The following CELF6 variants were observed in gnomAD, a reference collection of about 807,000 sequenced individuals.
The protein encoded by CELF6 is Bruno -like 6, RNA binding protein.
A neutral mutation model predicts 53.1 loss-of-function variants in CELF6; 32 were observed. That is an observed-to-expected ratio of 0.60 (90% CI 0.46 to 0.81). The LOEUF is 0.81. Among genes scored for constraint, CELF6 ranks in the 30% least tolerant of loss-of-function variants. The probability of loss-of-function intolerance (pLI) is 0.00; values close to 1 mark genes in which losing one functional copy is unlikely to be tolerated. For missense variants in CELF6, 539 were observed against 669.5 expected (o/e 0.81, Z 2.15); for synonymous variants, 291 against 288.8 (o/e 1.01, Z -0.08).
chr15:72,286,720 G>A (rs1214234629), intron 12 of CELF6, among the ~76,000 whole-genome samples: 1 of 152,154 alleles, frequency 6.6e-6, no homozygotes, highest in Non-Finnish European at 1.5e-5. Context: ...TCACCCACCA[G>A]GCCCTGCAGA....
intron 3 of CELF6, among the ~76,000 whole-genome samples, chr15:72,293,164 A>G (rs2088028937): frequency 6.6e-6 from 1 of 152,198 alleles, no homozygotes; most frequent in Non-Finnish European, 1.5e-5. Flanking sequence ...GTATCACCTT[A>G]AATCCTGGTA....
At chr15:72,301,885 C>T (rs540786761) in intron 3 of CELF6, among the ~76,000 whole-genome samples, 4 of 152,114 alleles carry the variant, frequency 2.6e-5, no homozygotes, top group South Asian at 2.1e-4. Context: ...TACATGCGCC[C>T]GCCACCACAC....
chr15:72,299,746 AATAGTGTACTGCTC>A (rs1268304728), intron 3 of CELF6, among the ~76,000 whole-genome samples: 4 of 152,216 alleles, frequency 2.6e-5, no homozygotes, highest in Non-Finnish European at 5.9e-5. Context: ...ATTTTCCTTT[AATAGTGTACTGCTC>A]AATGTGTAGC....
At position 72,289,332 on chromosome 15, in the gene CELF6, G is replaced by T. The variant is rs2087969797; in HGVS notation, c.880+43C>A. 3 of 1,298,960 alleles carry T rather than the reference G, an allele frequency of 2.3e-6. No individual in the cohort carries two copies. Among genetic ancestry groups the T allele is most frequent in the Non-Finnish European group, 3.1e-6 (3 of 957,866 alleles). The allele number at this position is 1,298,960 out of a possible 1,614,324, so 80.5% of individuals were successfully genotyped here. ...GAGAGTCAGGCCGCCACCCCGCCCCGCCCGGCCCCTCCCAGGCGCGCCCCA... is the reference window on the plus strand; with the variant it reads ...GAGAGTCAGGCCGCCACCCCGCCCCTCCCGGCCCCTCCCAGGCGCGCCCCA... On this transcript the variant is annotated intron_variant, in intron 7 of 12. Coordinates refer to ENST00000287202, the MANE Select transcript of CELF6 (RefSeq NM_052840.5). The surrounding 1 kb of genome is among the most constrained non-coding windows in gnomAD (Gnocchi z 7.6).
chr15:72,306,107 C>T, intron 2 of CELF6: 2 of 985,052 alleles, frequency 2.0e-6, no homozygotes, highest in Non-Finnish European at 2.4e-6. Context: ...CCCCAACCAC[C>T]CTGAGTGAAT....
rs761496942 is a variant in CELF6 at position 72,289,596 on chromosome 15, G to A, written c.747+31C>T. ...CCCCAGGCCTGGCCCACCCACCTGC[G>A]CGCCCTCGCACGCAGGTGCCCGGTA... On this transcript the variant is annotated intron_variant, in intron 6 of 12. Coordinates refer to ENST00000287202, the MANE Select transcript of CELF6 (RefSeq NM_052840.5). The surrounding 1 kb of genome is among the most constrained non-coding windows in gnomAD (Gnocchi z 7.6). The A allele has an allele frequency of 5.3e-4, 787 of 1,477,680 alleles. 3 individuals carry two copies. The highest frequency in any genetic ancestry group is 1.5e-3 in the South Asian group (114 of 76,328). 91.5% of individuals were successfully genotyped at this position (1,477,680 alleles called of 1,614,324 possible).
Position 72,289,437 on chromosome 15 carries a change from G to T in CELF6, c.818C>A (p.Ala273Glu). The T allele has an allele frequency of 1.3e-6, 2 of 1,544,406 alleles. No individual in the cohort carries two copies. Among genetic ancestry groups the T allele is most frequent in the Non-Finnish European group, 1.7e-6 (2 of 1,152,260 alleles). ...GGCCGCCACGTGTTGCATCTGGGCC[G>T]CCACTGCCGCCACCGGGCCTAGGCC... Reference protein sequence around the residue: ...GPGLGPVAAVAAQMQHVAAFS... With the variant: ...GPGLGPVAAVEAQMQHVAAFS... Residue 273 changes from alanine (A) to glutamate (E), a missense_variant, in exon 7 of 13, where the codon GCG becomes GAG. Around this residue, in one of 3 missense-constraint regions of CELF6, gnomAD observed 358 missense variants for 412.8 expected, o/e 0.87. Transcript: ENST00000287202. This position sits in a 1 kb window ranked among gnomAD's most constrained non-coding sequence, Gnocchi z 7.6.
intron 2 of CELF6, among the ~76,000 whole-genome samples, chr15:72,311,138 C>CTTTA (rs527655322): frequency 3.4e-4 from 52 of 151,830 alleles, no homozygotes; most frequent in African/African-American, 1.1e-3. Context: ...TTCTTTATTC[C>CTTTA]TTTATTTATT....
Position 72,319,336 on chromosome 15 carries a change from G to C in CELF6, c.262+277C>G, listed in dbSNP as rs569935199. On this transcript the variant is annotated intron_variant, in intron 1 of 12. Coordinates refer to ENST00000287202, the MANE Select transcript of CELF6 (RefSeq NM_052840.5). The surrounding 1 kb of genome is among the most constrained non-coding windows in gnomAD (Gnocchi z 5.0). Reference sequence around the variant, plus strand: ...GGTCTGATGGGAGAGGTGGTGGAAAGGTCCAATTGAAAGGCAGGGACTGCT... The same window carrying C: ...GGTCTGATGGGAGAGGTGGTGGAAACGTCCAATTGAAAGGCAGGGACTGCT... Among the ~76,000 whole-genome samples the C allele has an allele frequency of 2.0e-5, 3 of 152,166 alleles. No individual in the cohort carries two copies. The South Asian group carries it at 6.2e-4, about 32-fold the overall frequency.
chr15:72,287,994 C>T (rs113184125), intron 11 of CELF6, among the ~76,000 whole-genome samples: 11 of 152,278 alleles, frequency 7.2e-5, no homozygotes, highest in South Asian at 4.1e-4. Context: ...CCCATCACCA[C>T]GCCCAGCTAA....
rs1050360321 is a variant in CELF6, at chr15:72,306,329, G to C, written c.346-1535C>G. The C allele has an allele frequency of 3.6e-5, 35 of 984,242 alleles. No homozygotes were observed. The African/African-American group carries it at 6.1e-4, about 17-fold the overall frequency. 61.0% of individuals were successfully genotyped at this position (984,242 alleles called of 1,614,324 possible). On this transcript the variant is annotated intron_variant, in intron 2 of 12. Transcript: ENST00000287202. The stretch of plus-strand genomic sequence containing the variant: ...AGGGGTACTGATGCCCATCTGGCCT[G>C]AGAAGGTGATGATCTGACCCCCTCC...
At chr15:72,317,439 A>G (rs546285374) in intron 1 of CELF6, among the ~76,000 whole-genome samples, 2 of 152,284 alleles carry the variant, frequency 1.3e-5, no homozygotes, top group South Asian at 4.1e-4. Context: ...ACATTCATTG[A>G]GTTAAAGGGA....
chr15:72,312,553 C>T (rs1422024550), intron 2 of CELF6, among the ~76,000 whole-genome samples: 6 of 152,138 alleles, frequency 3.9e-5, no homozygotes, highest in African/African-American at 1.2e-4. Flanking sequence ...CACTTGAACC[C>T]TGGAGGTGGA....
At chr15:72,305,783 G>A (rs1197157057) in intron 2 of CELF6, among the ~76,000 whole-genome samples, 1 of 151,690 alleles carries the variant, frequency 6.6e-6, no homozygotes, top group African/African-American at 2.4e-5. Context: ...GTTACCAGCT[G>A]CCTGCTGGAC....
intron 1 of CELF6, among the ~76,000 whole-genome samples, chr15:72,317,872 GA>G (rs1286357404): frequency 6.6e-6 from 1 of 152,174 alleles, no homozygotes; most frequent in Admixed American, 6.5e-5. Context: ...GACTAGCCGG[GA>G]TAGAGGGTGG....
chr15:72,303,059 G>A (rs1004290488), intron 3 of CELF6, among the ~76,000 whole-genome samples: 1 of 152,228 alleles, frequency 6.6e-6, no homozygotes, highest in Non-Finnish European at 1.5e-5. Flanking sequence ...CTGCTGTGGA[G>A]TAAGTTGCTC....
Position 72,320,155 on chromosome 15 carries a change from C to T in CELF6, c.-281G>A, listed in dbSNP as rs758122426. On this transcript the variant is annotated 5_prime_UTR_variant, in exon 1 of 13. Transcript: ENST00000287202. ...GGCTCTCTCTGGGCTCCCGCCCGAG[C>T]TCTCCCAGAGCCGAGCCCCGAGCCC... 9 of 629,240 alleles carry T rather than the reference C, an allele frequency of 1.4e-5. No individual in the cohort carries two copies. Among genetic ancestry groups the T allele is most frequent in the African/African-American group, 1.1e-4 (6 of 54,946 alleles). 39.0% of individuals were successfully genotyped at this position (629,240 alleles called of 1,614,324 possible).
intron 3 of CELF6, among the ~76,000 whole-genome samples, chr15:72,303,583 T>C (rs1398221817): frequency 6.6e-6 from 1 of 152,196 alleles, no homozygotes; most frequent in Non-Finnish European, 1.5e-5. Context: ...TTGGGTTCCA[T>C]TCTGTTCCTG....
At chr15:72,316,530 A>G (rs2088366347) in intron 1 of CELF6, among the ~76,000 whole-genome samples, 1 of 152,124 alleles carries the variant, frequency 6.6e-6, no homozygotes, top group Non-Finnish European at 1.5e-5. Flanking sequence ...GGACCCCCTA[A>G]TCCTGTTCAA....
Sources: gnomAD v4.1 joint callset for allele counts (sites outside exome capture counted in the v4.1 genomes callset) on GRCh38, gnomAD v4.1.1 for gene constraint, gnomAD v4.1.1 regional missense constraint, Gnocchi (gnomAD v3.1) non-coding constraint, MANE v1.5 for transcripts, NCBI Gene and HGNC (gene_info 2026-07-23, HGNC 2026-07-21) for gene names.